The following UGT2B7 variants were observed in gnomAD, a reference collection of about 807,000 sequenced individuals.
UGT2B7 encodes the protein UDP glucuronosyltransferase family 2 member B7, also known as UDP-glucuronosyltransferase 2B7.
In UGT2B7, 51 loss-of-function variants were observed where a neutral mutation model predicts 51.9. The observed-to-expected ratio is 0.98, with a 90% CI of 0.78 to 1.24. The LOEUF is 1.24. UGT2B7 is among the 50% of genes most tolerant of loss of function. The pLI is 0.00. For synonymous variants in UGT2B7, 225 were observed against 211.6 expected (o/e 1.06, Z -0.55); for missense variants, 727 against 628.4 (o/e 1.16, Z -1.68).
At position 69,098,708 on chromosome 4, in the gene UGT2B7, T is replaced by C; in HGVS notation, c.870+20T>C. 6.2e-7 allele frequency: 1 copy of C among 1,603,234 alleles called. No individual in the cohort carries two copies. On this transcript the variant is annotated intron_variant, in intron 2 of 5. Coordinates refer to ENST00000305231, the MANE Select transcript of UGT2B7 (RefSeq NM_001074.4). ...CCTAAGGTAAACATACTTTTGTTGG[T>C]TTTATTTTGTTGGCTTTGAATTTTC...
At chr4:69,079,324 G>T (rs934317851) in intron 1 of UGT2B7, among the ~76,000 whole-genome samples, 1 of 152,140 alleles carries the variant, frequency 6.6e-6, no homozygotes, top group Non-Finnish European at 1.5e-5. Flanking sequence ...AGCACATTGA[G>T]AAGCTGATCC....
chr4:69,103,160 C>A (rs1380635764), intron 3 of UGT2B7, among the ~76,000 whole-genome samples: 1 of 151,504 alleles, frequency 6.6e-6, no homozygotes, highest in Non-Finnish European at 1.5e-5. Context: ...AATATGCTGA[C>A]AATAAATTGA....
At chr4:69,064,090 A>AGAGAGAG (rs1560499746) in intron 1 of UGT2B7, among the ~76,000 whole-genome samples, 12 of 97,584 alleles carry the variant, frequency 1.2e-4, no homozygotes, top group South Asian at 9.7e-4. Flanking sequence ...GAAAGAAAGA[A>AGAGAGAG]AGAAAGAGAA....
intron 1 of UGT2B7, among the ~76,000 whole-genome samples, chr4:69,073,991 C>T (rs1718652285): frequency 6.6e-6 from 1 of 152,002 alleles, no homozygotes; most frequent in South Asian, 2.1e-4. Context: ...CACCTCATCC[C>T]ATTCTTGTTT....
chr4:69,091,266 G>A (rs1398944660), intron 2 of UGT2B7, among the ~76,000 whole-genome samples: 3 of 152,110 alleles, frequency 2.0e-5, no homozygotes, highest in South Asian at 2.1e-4. Context: ...CTAATTAGTC[G>A]GGGTCCACAT....
chr4:69,110,052 T>A (rs929649056), intron 5 of UGT2B7, among the ~76,000 whole-genome samples: 1 of 151,932 alleles, frequency 6.6e-6, no homozygotes, highest in Non-Finnish European at 1.5e-5. Context: ...CTAAACAGAC[T>A]TTAGAAAAGA....
intron 1 of UGT2B7, among the ~76,000 whole-genome samples, chr4:69,075,433 C>G (rs1292315659): frequency 2.6e-5 from 4 of 152,070 alleles, no homozygotes; most frequent in African/African-American, 9.7e-5. Context: ...TTTTCTCCCT[C>G]TACACACTTT....
At chr4:69,051,848 G>T (rs937548727) in intron 1 of UGT2B7, among the ~76,000 whole-genome samples, 1 of 152,188 alleles carries the variant, frequency 6.6e-6, no homozygotes, top group African/African-American at 2.4e-5. Flanking sequence ...TTTGGTTTCG[G>T]TTTTTGGCCT....
At chr4:69,102,189 A>T (rs1310238895) in intron 2 of UGT2B7, among the ~76,000 whole-genome samples, 2 of 152,118 alleles carry the variant, frequency 1.3e-5, no homozygotes, top group Non-Finnish European at 2.9e-5. Context: ...GCTTTTATTT[A>T]TTTTATTTTT....
At chr4:69,052,275 C>A (rs111724091) in intron 1 of UGT2B7, among the ~76,000 whole-genome samples, 5,576 of 151,928 alleles carry the variant, frequency 0.037, 150 homozygotes, top group Non-Finnish European at 0.055. Context: ...CCCTTCCCCC[C>A]CAACAGTAGT....
chr4:69,059,329 A>G (rs546090807), intron 1 of UGT2B7, among the ~76,000 whole-genome samples: 1 of 152,314 alleles, frequency 6.6e-6, no homozygotes, highest in South Asian at 2.1e-4. Context: ...TTATAGGAGG[A>G]TGAGAAGTCC....
At chr4:69,085,654 G>T (rs891384151) in intron 1 of UGT2B7, among the ~76,000 whole-genome samples, 1 of 151,650 alleles carries the variant, frequency 6.6e-6, no homozygotes, top group Non-Finnish European at 1.5e-5. Context: ...TCAGTTCATG[G>T]TTTTTTGTTT....
intron 5 of UGT2B7, among the ~76,000 whole-genome samples, chr4:69,110,903 GTTTAT>G (rs1380007072): frequency 6.6e-6 from 1 of 152,066 alleles, no homozygotes; most frequent in Non-Finnish European, 1.5e-5. Context: ...ATATTTAAAT[GTTTAT>G]TTTATGAGAT....
chr4:69,061,485 C>T (rs1718346681), intron 1 of UGT2B7, among the ~76,000 whole-genome samples: 1 of 152,184 alleles, frequency 6.6e-6, no homozygotes, highest in East Asian at 1.9e-4. Context: ...GCCTCTCCTC[C>T]TGGAGATTCC....
chr4:69,096,574 T>C lies in UGT2B7; in HGVS notation c.54T>C (p.Phe18=). The change falls in exon 1 of 6, where the codon TTT becomes TTC. Residue 18 remains phenylalanine, a synonymous_variant. Coordinates refer to ENST00000305231, the MANE Select transcript of UGT2B7 (RefSeq NM_001074.4). ...VILLIQLSFC[F]SSGNCGKVLV... Reference sequence around the variant, plus strand: ...TGCTAATACAACTGAGCTTTTGCTTTAGCTCTGGGAATTGTGGAAAGGTGC... The same window carrying C: ...TGCTAATACAACTGAGCTTTTGCTTCAGCTCTGGGAATTGTGGAAAGGTGC... 2 of 1,613,982 alleles carry C rather than the reference T, an allele frequency of 1.2e-6. No individual in the cohort carries two copies. The highest frequency in any genetic ancestry group is 1.7e-4 in the Middle Eastern group (1 of 6,060).
At chr4:69,077,135 T>C (rs1379765189) in intron 1 of UGT2B7, among the ~76,000 whole-genome samples, 5 of 152,132 alleles carry the variant, frequency 3.3e-5, no homozygotes, top group Non-Finnish European at 1.5e-5. Flanking sequence ...GTTCCATTGG[T>C]CTATATATCT....
At position 69,096,527 on chromosome 4, in the gene UGT2B7, G is replaced by C; in HGVS notation, c.7G>C (p.Val3Leu). MS[V>L]KWTSVILLIQ... ...AGCATTGCATTGCACCAGGATGTCT[G>C]TGAAATGGACTTCAGTAATTTTGCT... Residue 3 changes from valine to leucine, a missense_variant, in exon 1 of 6, where the codon GTG (valine) becomes CTG (leucine). By Grantham distance (32) the Val-to-Leu change is conservative (BLOSUM62 1). Transcript: ENST00000305231. 6.2e-7 allele frequency: 1 copy of C among 1,613,902 alleles called. No homozygotes were observed. The highest frequency in any genetic ancestry group is 8.5e-7 in the Non-Finnish European group (1 of 1,179,818).
chr4:69,108,365 G>A lies in UGT2B7; in HGVS notation c.1310+43G>A, dbSNP rs921213070. 5 of 1,599,932 alleles carry A rather than the reference G, an allele frequency of 3.1e-6. No homozygotes were observed. In the African/African-American group the frequency reaches 5.4e-5, roughly 17 times the overall value. ...TTTCACTAGGTGGTATTTACAGATA[G>A]CTTCTCTTGTCAATAGTGAGTGTGA... On this transcript the variant is annotated intron_variant, in intron 5 of 5. Transcript: ENST00000305231.
intron 1 of UGT2B7, among the ~76,000 whole-genome samples, chr4:69,064,072 GAAAGAAAGAAAGAA>G (rs1560499658): frequency 5.2e-4 from 54 of 104,822 alleles, no homozygotes; most frequent in African/African-American, 2.4e-3. Context: ...AAGAAAGAAA[GAAAGAAAGAAAGAA>G]AGAAAGAAAG....
Sources: gnomAD v4.1 joint callset for allele counts (sites outside exome capture counted in the v4.1 genomes callset) on GRCh38, gnomAD v4.1.1 for gene constraint, MANE v1.5 for transcripts, NCBI Gene and HGNC (gene_info 2026-07-23, HGNC 2026-07-21) for gene names.